Variants in LYST observed in about 807,000 individuals in gnomAD.
LYST encodes the protein lysosomal-trafficking regulator.
A neutral mutation model predicts 413.6 loss-of-function variants in LYST; 192 were observed. That is an observed-to-expected ratio of 0.46 (90% CI 0.41 to 0.52). LYST has a LOEUF of 0.52. Among genes scored for constraint, LYST ranks in the 20% least tolerant of loss-of-function variants. The probability of loss-of-function intolerance (pLI) is 0.00; values close to 1 mark genes in which losing one functional copy is unlikely to be tolerated. For synonymous variants in LYST, 1,525 were observed against 1,567.3 expected, an observed-to-expected ratio of 0.97 and a Z score of 0.64; for missense variants, 3,815 against 4,499.9, an observed-to-expected ratio of 0.85 and a Z score of 4.35.
chr1:235,842,817 A>G (rs1198136455), intron 1 of LYST, among the ~76,000 whole-genome samples: 2 of 152,212 alleles, frequency 1.3e-5, no homozygotes, highest in African/African-American at 4.8e-5. Flanking sequence ...GTTAACTTTG[A>G]TATCTTAGCT....
intron 3 of LYST, chr1:235,828,622 G>T: frequency 3.6e-6 from 1 of 277,882 alleles, no homozygotes; most frequent in Non-Finnish European, 5.5e-6. Flanking sequence ...AGAATTCCAT[G>T]CAGAAGTACT....
chr1:235,722,539 G>A (rs1304088549), intron 39 of LYST, among the ~76,000 whole-genome samples: 1 of 152,194 alleles, frequency 6.6e-6, no homozygotes, highest in African/African-American at 2.4e-5. Context: ...AGGCTGGAGT[G>A]TAATGGCGTG....
intron 31 of LYST, chr1:235,737,946 ACCCGCCGG>A: frequency 4.1e-6 from 5 of 1,217,100 alleles, no homozygotes; most frequent in South Asian, 3.2e-5. Flanking sequence ...GTGCCCCAAC[ACCCGCCGG>A]ACGTGCATTC....
At chr1:235,802,605 T>A (rs982798644) in intron 8 of LYST, among the ~76,000 whole-genome samples, 1 of 152,228 alleles carries the variant, frequency 6.6e-6, no homozygotes, top group African/African-American at 2.4e-5. Context: ...AGTTTATCGA[T>A]TTCTATTTTA....
At chr1:235,749,617 A>G (rs943199647) in intron 28 of LYST, among the ~76,000 whole-genome samples, 3 of 152,136 alleles carry the variant, frequency 2.0e-5, no homozygotes, top group Non-Finnish European at 4.4e-5. Flanking sequence ...TAAGCTAAAA[A>G]CTTGTAGGAT....
At chr1:235,814,283 T>C (rs1673798312) in intron 3 of LYST, among the ~76,000 whole-genome samples, 1 of 152,094 alleles carries the variant, frequency 6.6e-6, no homozygotes, top group African/African-American at 2.4e-5. Flanking sequence ...AGCTTTTTAG[T>C]AGACAGTAAA....
Position 235,853,748 on chromosome 1 carries a change from T to C in LYST, c.-98+13095A>G, listed in dbSNP as rs1678833921. 2.0e-5 allele frequency among the ~76,000 whole-genome samples: 3 copies of C among 152,060 alleles called. No homozygotes were observed. In the South Asian group the frequency reaches 6.2e-4, roughly 32 times the overall value. On this transcript the variant is annotated intron_variant, in intron 1 of 52. Transcript: ENST00000389793. ...ACTCTGGCTCCTTGCAGAACAAAGC[T>C]GGCCAGGAAATAAAGGAAACTCAGG...
At chr1:235,865,172 T>C (rs1287902393) in intron 1 of LYST, among the ~76,000 whole-genome samples, 2 of 152,210 alleles carry the variant, frequency 1.3e-5, no homozygotes, top group Non-Finnish European at 2.9e-5. Flanking sequence ...TGCCTTCCTC[T>C]CTGCTAGCAC....
At chr1:235,802,283 C>T (rs1379291170) in intron 8 of LYST, among the ~76,000 whole-genome samples, 9 of 150,292 alleles carry the variant, frequency 6.0e-5, no homozygotes, top group Non-Finnish European at 1.2e-4. Flanking sequence ...CCAGAAGTCT[C>T]TTGGCTCTAA....
intron 47 of LYST, among the ~76,000 whole-genome samples, chr1:235,690,082 CTTATG>C (rs936915702): frequency 1.1e-4 from 17 of 152,288 alleles, no homozygotes; most frequent in Admixed American, 4.6e-4. Context: ...TGATTGAAAG[CTTATG>C]TTATATCTTT....
chr1:235,737,942 C>CATG, intron 31 of LYST: 1 of 1,266,846 alleles, frequency 7.9e-7, no homozygotes, highest in Non-Finnish European at 1.0e-6. Flanking sequence ...CCGCGTGCCC[C>CATG]AACACCCGCC....
At chr1:235,734,818 A>C in intron 31 of LYST, 159 bp from the exon 32 acceptor site, 1 of 562,718 alleles carries the variant, frequency 1.8e-6, no homozygotes, top group South Asian at 2.5e-5. Flanking sequence ...CAGAAATCTG[A>C]TTATGCACTG....
chr1:235,730,113 A>G (rs1664232776), intron 36 of LYST, among the ~76,000 whole-genome samples: 2 of 152,036 alleles, frequency 1.3e-5, no homozygotes, highest in Non-Finnish European at 2.9e-5. Flanking sequence ...AAAAAAGCCT[A>G]GTATTCTAGG....
In LYST at chr1:235,720,425, A is replaced by C. The variant is rs192372802; in HGVS notation, c.9560+236T>G. On this transcript the variant is annotated intron_variant, in intron 40 of 52. Coordinates refer to ENST00000389793, the MANE Select transcript of LYST (RefSeq NM_000081.4). ...TTTAAAGAGATGCATACTGTAGAAC[A>C]AAGAAGTGACATAACAAGATGTCTG... Among the ~76,000 whole-genome samples, 12 of 152,286 alleles carry C rather than the reference A, an allele frequency of 7.9e-5. No individual in the cohort carries two copies. The East Asian group carries it at 2.3e-3, about 29-fold the overall frequency.
Position 235,810,363 on chromosome 1 carries a change from C to A in LYST, c.455G>T (p.Arg152Leu). Residue 152 changes from arginine (R) to leucine (L), a missense_variant, in exon 5 of 53, where the codon CGC becomes CTC. Around this residue, in one of 4 missense-constraint regions of LYST, gnomAD observed 1,648 missense variants for 1,810.3 expected, o/e 0.91. Transcript: ENST00000389793. ...CTTTCTTGCATCTCTTACAGAATAG[C>A]GATGGGTAATTTTACGCTGTCGTCT... ...KSRRQRKITH[R>L]YSVRDARKTQ... 2 of 1,613,862 alleles carry A rather than the reference C, an allele frequency of 1.2e-6. No individual in the cohort carries two copies. Among genetic ancestry groups the A allele is most frequent in the South Asian group, 1.1e-5 (1 of 91,038 alleles).
At chr1:235,705,252 A>C (rs1216727360) in intron 44 of LYST, among the ~76,000 whole-genome samples, 1 of 152,200 alleles carries the variant, frequency 6.6e-6, no homozygotes. Context: ...TTGCCCCATT[A>C]AATAAGTTTT....
chr1:235,774,363 G>A (rs192609663), intron 18 of LYST, among the ~76,000 whole-genome samples: 1 of 152,256 alleles, frequency 6.6e-6, no homozygotes, highest in African/African-American at 2.4e-5. Flanking sequence ...TGGAGGCAAG[G>A]GTAGAGCAAT....
rs1393126801 is a variant in LYST at position 235,716,810 on chromosome 1, T to C, written c.9561-32A>G. 7 of 1,314,640 alleles carry C rather than the reference T, an allele frequency of 5.3e-6. No individual in the cohort carries two copies. In the Admixed American group the frequency reaches 8.4e-5, roughly 16 times the overall value. The allele number at this position is 1,314,640 out of a possible 1,614,324, so 81.4% of individuals were successfully genotyped here. On this transcript the variant is annotated intron_variant, in intron 40 of 52. Coordinates refer to ENST00000389793, the MANE Select transcript of LYST (RefSeq NM_000081.4). Reference sequence around the variant, plus strand: ...GAAAAGGACAATTTTAAAAATTAAATATTTTGATACTGTCAAGATTAAGCT... The same window carrying C: ...GAAAAGGACAATTTTAAAAATTAAACATTTTGATACTGTCAAGATTAAGCT...
chr1:235,718,472 AG>A (rs1040043770), intron 40 of LYST, among the ~76,000 whole-genome samples: 43 of 151,106 alleles, frequency 2.8e-4, no homozygotes, highest in Admixed American at 1.1e-3. Context: ...CTTCCTGAGT[AG>A]TTGGTCTCGA....
Sources: allele counts gnomAD v4.1 joint callset (sites outside exome capture counted in the v4.1 genomes callset), GRCh38; gene constraint gnomAD v4.1.1; regional missense constraint gnomAD v4.1.1; transcripts MANE v1.5; gene names NCBI Gene and HGNC (gene_info 2026-07-23, HGNC 2026-07-21).